Variants in KLHL28 observed in about 807,000 individuals in gnomAD.
KLHL28 encodes kelch-like protein 28.
In KLHL28, 22 loss-of-function variants were observed where a neutral mutation model predicts 48.3. The ratio of observed to expected loss-of-function variants is 0.46; its 90% confidence interval spans 0.33 to 0.65. The LOEUF (loss-of-function observed/expected upper bound fraction) is 0.65. Among genes scored for constraint, KLHL28 ranks in the 30% least tolerant of loss-of-function variants. The pLI, the probability that KLHL28 is intolerant of heterozygous loss-of-function variation, is 0.03. For missense variants in KLHL28, 527 were observed against 704.3 expected, an observed-to-expected ratio of 0.75 and a Z score of 2.85; for synonymous variants, 243 against 242.4, an observed-to-expected ratio of 1.00 and a Z score of -0.02.
At position 44,929,037 on chromosome 14, in the gene KLHL28, A is replaced by G; in HGVS notation, c.1707T>C (p.Thr569=). 1 of 1,613,876 alleles carries G rather than the reference A, an allele frequency of 6.2e-7. No homozygotes were observed. Residue 569 remains threonine (T), a synonymous_variant, in exon 5 of 5, where the codon ACT becomes ACC. Coordinates refer to ENST00000396128, the MANE Select transcript of KLHL28 (RefSeq NM_017658.5). ...CGAGAGTTCACATTTGTCAAAGTGC[A>G]GTTAACCCAAAGTTGCAGCGACAGT... ...MIYCRCNFGL[T]AL is the part of the protein sequence containing the mutation.
chr14:44,958,341 T>C (rs1388225954), intron 1 of KLHL28, among the ~76,000 whole-genome samples: 1 of 151,614 alleles, frequency 6.6e-6, no homozygotes, highest in African/African-American at 2.4e-5. Flanking sequence ...ACTATATAAA[T>C]ATAGATCACA....
At chr14:44,936,301 C>A (rs1386271602) in intron 2 of KLHL28, among the ~76,000 whole-genome samples, 1 of 151,932 alleles carries the variant, frequency 6.6e-6, no homozygotes, top group African/African-American at 2.4e-5. Context: ...TGTTTGCATG[C>A]TGATGGTAAT....
Position 44,934,097 on chromosome 14 carries a change from AATTATT to A in KLHL28, c.1343+12_1343+17del. ...AAAAATCCATAAACATATGCAATTT[AATTATT>A]AAGTTAAATACCTGTTCATGTGGGC... On this transcript the variant is annotated intron_variant, in intron 3 of 4. Transcript: ENST00000396128. 1.3e-6 allele frequency: 2 copies of A among 1,543,122 alleles called. No individual in the cohort carries two copies. Among genetic ancestry groups the A allele is most frequent in the Non-Finnish European group, 1.8e-6 (2 of 1,137,390 alleles).
At chr14:44,952,086 C>T (rs1204201217) in intron 1 of KLHL28, among the ~76,000 whole-genome samples, 1 of 151,984 alleles carries the variant, frequency 6.6e-6, no homozygotes, top group Non-Finnish European at 1.5e-5. Flanking sequence ...GTCTCGAACT[C>T]CTGGACTCAA....
chr14:44,942,966 C>T (rs73334172), intron 2 of KLHL28, among the ~76,000 whole-genome samples: 1 of 151,834 alleles, frequency 6.6e-6, no homozygotes, highest in East Asian at 1.9e-4. Flanking sequence ...GTAGAGTTAA[C>T]CTGAATGATC....
chr14:44,932,536 G>A (rs1000220859), intron 3 of KLHL28, among the ~76,000 whole-genome samples: 2 of 152,090 alleles, frequency 1.3e-5, no homozygotes, highest in Non-Finnish European at 2.9e-5. Context: ...GTGCACAAAG[G>A]CACAGAGGTA....
rs919703994 is a variant in KLHL28 at position 44,926,318 on chromosome 14, C to T, written c.*2710G>A. 6.6e-6 allele frequency: 1 copy of T among 152,154 alleles called. No individual in the cohort carries two copies. The highest frequency in any genetic ancestry group is 2.4e-5 in the African/African-American group (1 of 41,438). The allele number at this position is 152,154 out of a possible 1,614,324, so 9.4% of individuals were successfully genotyped here. ...TTTGTTCACTGGTGTATGGCTCCTA[C>T]TACTACTGCCCAAGATATTTCACAT... On this transcript the variant is annotated 3_prime_UTR_variant, in exon 5 of 5. Coordinates refer to ENST00000396128, the MANE Select transcript of KLHL28 (RefSeq NM_017658.5).
intron 3 of KLHL28, among the ~76,000 whole-genome samples, chr14:44,933,422 C>T (rs985100838): frequency 6.6e-6 from 1 of 151,742 alleles, no homozygotes; most frequent in African/African-American, 2.4e-5. Context: ...GCAATCCTCC[C>T]ACGTCAGCCT....
intron 1 of KLHL28, among the ~76,000 whole-genome samples, chr14:44,953,424 G>A (rs936254218): frequency 6.6e-6 from 1 of 152,212 alleles, no homozygotes; most frequent in Non-Finnish European, 1.5e-5. Flanking sequence ...GGGCTTTTAA[G>A]AGGTAACTGG....
intron 2 of KLHL28, among the ~76,000 whole-genome samples, chr14:44,939,335 G>C (rs1170142285): frequency 6.6e-6 from 1 of 152,148 alleles, no homozygotes; most frequent in Non-Finnish European, 1.5e-5. Context: ...CCATTGTCTT[G>C]ACTAGCACTT....
At chr14:44,937,173 T>G (rs1883862783) in intron 2 of KLHL28, among the ~76,000 whole-genome samples, 1 of 148,122 alleles carries the variant, frequency 6.8e-6, no homozygotes, top group Admixed American at 6.8e-5. Flanking sequence ...TGAGACGGAG[T>G]CTCACTCTGT....
At chr14:44,949,328 C>G (rs1485050581) in intron 1 of KLHL28, among the ~76,000 whole-genome samples, 1 of 152,036 alleles carries the variant, frequency 6.6e-6, no homozygotes, top group African/African-American at 2.4e-5. Flanking sequence ...AGACATGTTA[C>G]AGACTAGGTT....
intron 3 of KLHL28, among the ~76,000 whole-genome samples, chr14:44,932,819 T>C (rs1231218900): frequency 6.6e-6 from 1 of 152,184 alleles, no homozygotes; most frequent in African/African-American, 2.4e-5. Context: ...CTATGTCCCA[T>C]ATTTTTCCTT....
At chr14:44,949,332 C>A (rs913858962) in intron 1 of KLHL28, among the ~76,000 whole-genome samples, 3 of 152,030 alleles carry the variant, frequency 2.0e-5, no homozygotes, top group African/African-American at 7.2e-5. Flanking sequence ...ATGTTACAGA[C>A]TAGGTTTGTT....
At chr14:44,940,161 G>A (rs1038796685) in intron 2 of KLHL28, among the ~76,000 whole-genome samples, 7 of 152,060 alleles carry the variant, frequency 4.6e-5, no homozygotes, top group Non-Finnish European at 8.8e-5. Flanking sequence ...TTATTATCAG[G>A]AGCCCACTCC....
Position 44,945,424 on chromosome 14 carries a change from G to T in KLHL28, c.505C>A (p.Gln169Lys). Residue 169 changes from glutamine to lysine, a missense_variant, in exon 2 of 5, where the codon CAG becomes AAG. Gln to Lys is a moderately conservative substitution (Grantham distance 53). Transcript: ENST00000396128. ...YICQNFEAVC[Q>K]TEEFFELTHA... is the part of the protein sequence containing the mutation. ...GTAAGCTCAAAAAACTCTTCAGTCT[G>T]GCAAACAGCTTCAAAATTCTGGCAT... is the stretch of plus-strand genomic sequence containing the variant. The T allele has an allele frequency of 6.2e-7, 1 of 1,614,114 alleles. No homozygotes were observed. The highest frequency in any genetic ancestry group is 8.5e-7 in the Non-Finnish European group (1 of 1,180,014).
chr14:44,931,534 G>A lies in KLHL28; in HGVS notation c.1351C>T (p.Arg451Cys), dbSNP rs761233044. The change falls in exon 4 of 5, where the codon CGT becomes TGT. Residue 451 changes from arginine to cysteine, a missense_variant. Physicochemically the swap from Arg to Cys is radical, Grantham distance 180 (BLOSUM62 -3). Coordinates refer to ENST00000396128, the MANE Select transcript of KLHL28 (RefSeq NM_017658.5). ...CAGGAGTCCTTACTTGGATCATAAC[G>A]CTCCACACTGCAAATATTTAAAAAA... ...YGPAHMNSVERYDPSKDSWEM... is the reference protein window; with the variant it reads ...YGPAHMNSVECYDPSKDSWEM... 1.5e-5 allele frequency: 24 copies of A among 1,609,704 alleles called. No individual in the cohort carries two copies. Among genetic ancestry groups the A allele is most frequent in the Non-Finnish European group, 1.9e-5 (22 of 1,176,910 alleles).
chr14:44,935,133 T>C (rs1343908681), intron 2 of KLHL28, among the ~76,000 whole-genome samples: 1 of 152,216 alleles, frequency 6.6e-6, no homozygotes, highest in African/African-American at 2.4e-5. Flanking sequence ...AAAAGAATAC[T>C]ACATGGCAAT....
intron 1 of KLHL28, among the ~76,000 whole-genome samples, chr14:44,949,307 T>G (rs1392243170): frequency 2.0e-5 from 3 of 152,106 alleles, no homozygotes; most frequent in African/African-American, 7.2e-5. Context: ...ATATATGAGC[T>G]AAAAATAATA....
Sources: gnomAD v4.1 joint callset for allele counts (sites outside exome capture counted in the v4.1 genomes callset) on GRCh38, gnomAD v4.1.1 for gene constraint, MANE v1.5 for transcripts, NCBI Gene and HGNC (gene_info 2026-07-23, HGNC 2026-07-21) for gene names.